Variants in SORCS1 observed in about 807,000 individuals in gnomAD.
The protein encoded by SORCS1 is sortilin related VPS10 domain containing receptor 1.
SORCS1 carries 60 observed loss-of-function variants against 146.1 expected under a neutral mutation model. The observed-to-expected ratio is 0.41, with a 90% CI of 0.33 to 0.51. The LOEUF (loss-of-function observed/expected upper bound fraction) is 0.51, where lower values mean the gene tolerates loss of function less well. Ranked by LOEUF, SORCS1 falls within the 20% of genes least tolerant of loss-of-function variation. The pLI is 0.21. For synonymous variants in SORCS1, 637 were observed against 584.0 expected, an observed-to-expected ratio of 1.09 and a Z score of -1.31; for missense variants, 1,352 against 1,487.6, an observed-to-expected ratio of 0.91 and a Z score of 1.50.
chr10:106,956,495 C>A lies in SORCS1; in HGVS notation c.626+18G>T. 1 of 1,610,866 alleles carries A rather than the reference C, an allele frequency of 6.2e-7. No individual in the cohort carries two copies. The highest frequency in any genetic ancestry group is 8.5e-7 in the Non-Finnish European group (1 of 1,177,584). ...GCTTAAATAACACGGTAATTATTAG[C>A]TCCATTTATCTACATACCTCCAAAG... On this transcript the variant is annotated intron_variant, in intron 2 of 25. Transcript: ENST00000263054.
chr10:106,985,521 A>G (rs2139400439), intron 1 of SORCS1, among the ~76,000 whole-genome samples: 1 of 151,736 alleles, frequency 6.6e-6, no homozygotes, highest in African/African-American at 2.4e-5. Context: ...CTATTCATGT[A>G]CTATTATTTC....
chr10:106,686,681 C>T (rs1852872289), intron 10 of SORCS1, among the ~76,000 whole-genome samples: 1 of 152,152 alleles, frequency 6.6e-6, no homozygotes, highest in South Asian at 2.1e-4. Flanking sequence ...TCTTAAGTTG[C>T]CAGTAATAAG....
intron 23 of SORCS1, chr10:106,600,780 G>A (rs2133340216): frequency 1.1e-6 from 1 of 930,382 alleles, no homozygotes; most frequent in East Asian, 1.2e-4. Flanking sequence ...ACTAGACTTT[G>A]GCTTTGTTTG....
At position 106,581,898 on chromosome 10, in the gene SORCS1, G is replaced by A. The variant is rs1040199833; in HGVS notation, c.3266-2424C>T. On this transcript the variant is annotated intron_variant, in intron 24 of 25. Coordinates refer to ENST00000263054, the MANE Select transcript of SORCS1 (RefSeq NM_052918.5). ...ATTTGTCAGGGAACAATGGAGGCTC[G>A]GAAGGGGCCACAGATGATTGGGATG... 3.9e-5 allele frequency among the ~76,000 whole-genome samples: 6 copies of A among 152,256 alleles called. No individual in the cohort carries two copies. The South Asian group carries it at 6.2e-4, about 16-fold the overall frequency.
intron 23 of SORCS1, among the ~76,000 whole-genome samples, chr10:106,602,387 A>ATTCCTT (rs1846292040): frequency 6.6e-6 from 1 of 152,114 alleles, no homozygotes; most frequent in Non-Finnish European, 1.5e-5. Context: ...GTTGAGGAAT[A>ATTCCTT]TTCCTTTTGT....
intron 18 of SORCS1, among the ~76,000 whole-genome samples, chr10:106,649,531 C>T (rs930739318): frequency 6.6e-6 from 1 of 152,202 alleles, no homozygotes; most frequent in African/African-American, 2.4e-5. Context: ...TTTTTAAACA[C>T]CTCTGTTTGA....
At chr10:107,055,514 C>A (rs1489123470) in intron 1 of SORCS1, among the ~76,000 whole-genome samples, 2 of 152,180 alleles carry the variant, frequency 1.3e-5, no homozygotes, top group African/African-American at 4.8e-5. Context: ...TGTATTTTTA[C>A]CTTTCACCAG....
At chr10:106,741,488 C>G (rs1244016889) in intron 5 of SORCS1, among the ~76,000 whole-genome samples, 1 of 152,172 alleles carries the variant, frequency 6.6e-6, no homozygotes, top group Non-Finnish European at 1.5e-5. Context: ...ATCCCAGCTA[C>G]CTGGGAGGGT....
At chr10:106,833,372 G>A (rs1363192630) in intron 2 of SORCS1, among the ~76,000 whole-genome samples, 2 of 152,098 alleles carry the variant, frequency 1.3e-5, no homozygotes, top group African/African-American at 4.8e-5. Flanking sequence ...ACAGATCAGC[G>A]GTTGTCCAAG....
At chr10:106,892,138 C>T (rs79668789) in intron 2 of SORCS1, among the ~76,000 whole-genome samples, 1 of 152,210 alleles carries the variant, frequency 6.6e-6, no homozygotes, top group Non-Finnish European at 1.5e-5. Flanking sequence ...CTAGGCTGAT[C>T]TGCAGATGTG....
chr10:106,637,637 T>C (rs1381801073), intron 18 of SORCS1, among the ~76,000 whole-genome samples: 2 of 152,206 alleles, frequency 1.3e-5, no homozygotes, highest in African/African-American at 4.8e-5. Context: ...AGAACTCAGA[T>C]CTGTCAAGAC....
At chr10:106,685,783 T>C (rs911155329) in intron 10 of SORCS1, among the ~76,000 whole-genome samples, 2 of 152,208 alleles carry the variant, frequency 1.3e-5, no homozygotes, top group Non-Finnish European at 2.9e-5. Context: ...TTTTTATTTA[T>C]TCTACATGTA....
chr10:106,798,029 A>G (rs759413274), intron 3 of SORCS1, among the ~76,000 whole-genome samples: 2 of 152,152 alleles, frequency 1.3e-5, no homozygotes, highest in Non-Finnish European at 2.9e-5. Context: ...TCTCATCTTG[A>G]ATTCCCATGT....
chr10:106,761,596 C>A lies in SORCS1; in HGVS notation c.951G>T (p.Arg317Ser). The A allele has an allele frequency of 4.3e-6, 7 of 1,614,026 alleles. No individual in the cohort carries two copies. Among genetic ancestry groups the A allele is most frequent in the Non-Finnish European group, 5.9e-6 (7 of 1,179,930 alleles). The change falls in exon 5 of 26, where the codon AGG becomes AGT. Residue 317 changes from arginine (R) to serine (S), a missense_variant. By Grantham distance (110) the Arg-to-Ser change is moderately radical (BLOSUM62 -1). This residue lies in a region of SORCS1 where 490 missense variants were observed against 489.1 expected (regional missense o/e 1.00). Transcript: ENST00000263054. ...GATAAAGTGAGACTTACCAGTAGAA[C>A]CTGTTTGGTACAACCCCTTCTTGGA... is the stretch of plus-strand genomic sequence containing the variant. Reference protein sequence around the residue: ...QLIQEGVVPNRFYWSVMGSNK... With the variant: ...QLIQEGVVPNSFYWSVMGSNK...
At position 106,824,578 on chromosome 10, in the gene SORCS1, G is replaced by C. The variant is rs1254763218; in HGVS notation, c.726+4996C>G. Among the ~76,000 whole-genome samples the C allele has an allele frequency of 2.9e-5, 4 of 135,804 alleles. No homozygotes were observed. In the South Asian group the frequency reaches 9.1e-4, roughly 31 times the overall value. 89.1% of individuals were successfully genotyped at this position (135,804 alleles called of 152,430 possible). A position where few individuals can be genotyped will look rare whatever the true frequency, so the allele number is the denominator to read the frequency against. On this transcript the variant is annotated intron_variant, in intron 3 of 25. Coordinates refer to ENST00000263054, the MANE Select transcript of SORCS1 (RefSeq NM_052918.5). ...CACTCCAGCCTGGGCAATAGAGTGA[G>C]ACTTCATCTCAAAAAAAAAAAAAAA...
chr10:106,862,921 GTAAGA>G (rs1024206946), intron 2 of SORCS1, among the ~76,000 whole-genome samples: 1 of 151,894 alleles, frequency 6.6e-6, no homozygotes, highest in Non-Finnish European at 1.5e-5. Flanking sequence ...GATTCTCATG[GTAAGA>G]TATTTCTTAG....
intron 5 of SORCS1, among the ~76,000 whole-genome samples, chr10:106,749,322 G>C (rs760663652): frequency 1.2e-4 from 19 of 152,160 alleles, no homozygotes; most frequent in Non-Finnish European, 5.9e-5. Flanking sequence ...TCCATGCCCA[G>C]TTTTACTTGA....
intron 4 of SORCS1, among the ~76,000 whole-genome samples, chr10:106,765,339 C>T (rs550772917): frequency 6.6e-6 from 1 of 152,124 alleles, no homozygotes; most frequent in Admixed American, 6.5e-5. Flanking sequence ...ATTAGCACTT[C>T]TCTCTCTATC....
intron 2 of SORCS1, among the ~76,000 whole-genome samples, chr10:106,937,171 G>GGT (rs1953765112): frequency 1.4e-5 from 1 of 71,870 alleles, no homozygotes; most frequent in African/African-American, 4.4e-5. Context: ...CAGAAGATCT[G>GGT]ATTTTTTTTT....
Sources: allele counts gnomAD v4.1 joint callset (sites outside exome capture counted in the v4.1 genomes callset), GRCh38; gene constraint gnomAD v4.1.1; regional missense constraint gnomAD v4.1.1; transcripts MANE v1.5; gene names NCBI Gene and HGNC (gene_info 2026-07-23, HGNC 2026-07-21).